NCAM2: variants seen among roughly 807,000 people sequenced by gnomAD.
NCAM2 encodes the protein N-CAM-2.
In NCAM2, 30 loss-of-function variants were observed where a neutral mutation model predicts 98.1. That is an observed-to-expected ratio of 0.31 (90% CI 0.23 to 0.41). NCAM2 has a LOEUF of 0.41. NCAM2 is among the 10% of genes least tolerant of loss of function. The pLI, the probability that NCAM2 is intolerant of heterozygous loss-of-function variation, is 1.00. For missense variants in NCAM2, 867 were observed against 1,005.8 expected, an observed-to-expected ratio of 0.86 and a Z score of 1.87; for synonymous variants, 368 against 342.4, an observed-to-expected ratio of 1.07 and a Z score of -0.83.
At position 21,394,469 on chromosome 21, in the gene NCAM2, C is replaced by CTTTTTTTTTTTTTTTT. The variant is rs532068473; in HGVS notation, c.1196-15783_1196-15768dup. Among the ~76,000 whole-genome samples the CTTTTTTTTTTTTTTTT allele has an allele frequency of 5.4e-4, 31 of 57,668 alleles. 6 individuals are homozygous for CTTTTTTTTTTTTTTTT. Among genetic ancestry groups the CTTTTTTTTTTTTTTTT allele is most frequent in the African/African-American group, 7.1e-4 (9 of 12,602 alleles). The allele number at this position is 57,668 out of a possible 152,430, so 37.8% of individuals were successfully genotyped here. ...GACCTTAGTTAATTTAAGGGGCCAG[C>CTTTTTTTTTTTTTTTT]TTTTTTTTTTTTTTTTTTTTTTTTT... On this transcript the variant is annotated intron_variant, in intron 9 of 17. Transcript: ENST00000400546.
At chr21:21,512,309 T>C (rs1375464339) in intron 16 of NCAM2, among the ~76,000 whole-genome samples, 1 of 152,054 alleles carries the variant, frequency 6.6e-6, no homozygotes, top group Non-Finnish European at 1.5e-5. Flanking sequence ...CATCTATATA[T>C]GGATGTCCAG....
In NCAM2 at chr21:21,425,460, A is replaced by G. The variant is rs182062662; in HGVS notation, c.1481-6648A>G. On this transcript the variant is annotated intron_variant, in intron 11 of 17. Coordinates refer to ENST00000400546, the MANE Select transcript of NCAM2 (RefSeq NM_004540.5). Reference sequence around the variant, plus strand: ...ATTGTTGAAATGCCCAGTACTAAAGATAAGTGAATCTGGGTGTCCGTGAGT... The same window carrying G: ...ATTGTTGAAATGCCCAGTACTAAAGGTAAGTGAATCTGGGTGTCCGTGAGT... Among the ~76,000 whole-genome samples, 14 of 152,264 alleles carry G rather than the reference A, an allele frequency of 9.2e-5. No homozygotes were observed. In the East Asian group the frequency reaches 2.5e-3, roughly 27 times the overall value.
intron 1 of NCAM2, among the ~76,000 whole-genome samples, chr21:21,144,615 T>C (rs1411978929): frequency 1.3e-5 from 2 of 148,788 alleles, no homozygotes; most frequent in Non-Finnish European, 3.0e-5. Flanking sequence ...TCTTTTTTTT[T>C]CTTAAAGTTA....
chr21:21,352,878 G>C (rs983457014), intron 8 of NCAM2, among the ~76,000 whole-genome samples: 1 of 150,744 alleles, frequency 6.6e-6, no homozygotes, highest in Non-Finnish European at 1.5e-5. Flanking sequence ...TTTTGAGACA[G>C]GGTCTCACTC....
chr21:21,375,204 G>GAAAACA (rs1241029025), intron 9 of NCAM2, among the ~76,000 whole-genome samples: 1 of 138,294 alleles, frequency 7.2e-6, no homozygotes, highest in African/African-American at 2.7e-5. Flanking sequence ...AGGATAAAAA[G>GAAAACA]AAAACAAAAA....
chr21:21,245,365 G>A (rs2071223985), intron 1 of NCAM2, among the ~76,000 whole-genome samples: 1 of 152,142 alleles, frequency 6.6e-6, no homozygotes, highest in African/African-American at 2.4e-5. Context: ...TTGCATATGT[G>A]TTCGACCCTT....
intron 12 of NCAM2, among the ~76,000 whole-genome samples, chr21:21,460,671 T>G (rs1982838759): frequency 6.6e-6 from 1 of 151,928 alleles, no homozygotes; most frequent in Non-Finnish European, 1.5e-5. Context: ...TATTTTACAT[T>G]TAAAATGTGT....
At position 21,338,504 on chromosome 21, in the gene NCAM2, G is replaced by T. The variant is rs1159469992; in HGVS notation, c.1014G>T (p.Val338=). ...CAGAAATCACTTGGAAAAGAGCTGT[G>T]GATGGCTTCACGTTCACTGAAGGCG... ...PIPEITWKRA[V]DGFTFTEGDK... is the part of the protein sequence containing the mutation. The change falls in exon 8 of 18, where the codon GTG becomes GTT. Residue 338 remains valine, a synonymous_variant. Transcript: ENST00000400546. 1 of 1,612,004 alleles carries T rather than the reference G, an allele frequency of 6.2e-7. No individual in the cohort carries two copies. Among genetic ancestry groups the T allele is most frequent in the Non-Finnish European group, 8.5e-7 (1 of 1,179,158 alleles).
chr21:21,278,943 G>T (rs976831808), intron 1 of NCAM2, among the ~76,000 whole-genome samples: 2 of 151,896 alleles, frequency 1.3e-5, no homozygotes, highest in African/African-American at 2.4e-5. Context: ...TCTCCTATTT[G>T]CTGTTTCAGC....
intron 12 of NCAM2, among the ~76,000 whole-genome samples, chr21:21,443,491 T>A (rs1569069486): frequency 6.6e-6 from 1 of 152,124 alleles, no homozygotes. Context: ...GAAAAATATA[T>A]TACTGTGTAT....
At chr21:21,463,003 C>T (rs1983191738) in intron 12 of NCAM2, among the ~76,000 whole-genome samples, 1 of 152,114 alleles carries the variant, frequency 6.6e-6, no homozygotes, top group Admixed American at 6.6e-5. Flanking sequence ...ACCCATCCCA[C>T]ACTTCAGTTT....
intron 1 of NCAM2, among the ~76,000 whole-genome samples, chr21:21,250,979 A>C (rs571110627): frequency 6.6e-6 from 1 of 152,206 alleles, no homozygotes; most frequent in African/African-American, 2.4e-5. Context: ...GTCCTCCACT[A>C]GTGCAGAACC....
At chr21:21,040,423 C>A (rs186199192) in intron 1 of NCAM2, among the ~76,000 whole-genome samples, 1 of 152,004 alleles carries the variant, frequency 6.6e-6, no homozygotes. Context: ...ATATATATAT[C>A]TTTTCCAGTC....
At chr21:21,054,128 A>C (rs1291510177) in intron 1 of NCAM2, among the ~76,000 whole-genome samples, 1 of 151,996 alleles carries the variant, frequency 6.6e-6, no homozygotes, top group Non-Finnish European at 1.5e-5. Context: ...AATAAACATT[A>C]TAAACTATAA....
intron 9 of NCAM2, among the ~76,000 whole-genome samples, chr21:21,402,972 G>A (rs1428310800): frequency 6.6e-6 from 1 of 152,010 alleles, no homozygotes; most frequent in Non-Finnish European, 1.5e-5. Context: ...ATTACCTTCT[G>A]GGTTTTTTGT....
intron 11 of NCAM2, among the ~76,000 whole-genome samples, chr21:21,424,527 G>A (rs758392592): frequency 6.6e-5 from 10 of 152,076 alleles, no homozygotes; most frequent in Non-Finnish European, 1.2e-4. Context: ...TCTGAAAGAG[G>A]GAGTAGAAAC....
In NCAM2 at chr21:21,450,793, T is replaced by TGTATGTATACACACACAC. The variant is rs751489970; in HGVS notation, c.1655-15813_1655-15812insGTATGTATACACACACAC. Among the ~76,000 whole-genome samples, 269 of 143,492 alleles carry TGTATGTATACACACACAC rather than the reference T, an allele frequency of 1.9e-3. 1 individual carries two copies. The highest frequency in any genetic ancestry group is 0.014 in the South Asian group (59 of 4,230). The allele number at this position is 143,492 out of a possible 152,430, so 94.1% of individuals were successfully genotyped here. The stretch of plus-strand genomic sequence containing the variant: ...CATCATGTATGTATGTATGTATGTA[T>TGTATGTATACACACACAC]ACACACACACACACACACACACACA... On this transcript the variant is annotated intron_variant, in intron 12 of 17. Coordinates refer to ENST00000400546, the MANE Select transcript of NCAM2 (RefSeq NM_004540.5).
intron 15 of NCAM2, among the ~76,000 whole-genome samples, chr21:21,500,994 T>A (rs1034653794): frequency 8.5e-5 from 13 of 152,168 alleles, no homozygotes; most frequent in Admixed American, 2.0e-4. Flanking sequence ...CATTTAATTT[T>A]AAAAAAATTA....
intron 1 of NCAM2, among the ~76,000 whole-genome samples, chr21:21,074,529 T>C (rs1015457702): frequency 6.6e-6 from 1 of 152,082 alleles, no homozygotes; most frequent in African/African-American, 2.4e-5. Flanking sequence ...CAGGATCAGG[T>C]GGAAAGGGAT....
Sources: gnomAD v4.1 joint callset for allele counts (sites outside exome capture counted in the v4.1 genomes callset) on GRCh38, gnomAD v4.1.1 for gene constraint, MANE v1.5 for transcripts, NCBI Gene and HGNC (gene_info 2026-07-23, HGNC 2026-07-21) for gene names.